LARP6: variants seen among roughly 807,000 people sequenced by gnomAD.
The protein encoded by LARP6 is La ribonucleoprotein 6, translational regulator, also known as la-related protein 6.
LARP6 carries 18 observed loss-of-function variants against 32.8 expected under a neutral mutation model. The observed-to-expected ratio is 0.55, with a 90% CI of 0.38 to 0.81. LARP6 has a LOEUF of 0.81. LARP6 is among the 40% of genes least tolerant of loss of function. The pLI, the probability that LARP6 is intolerant of heterozygous loss-of-function variation, is 0.00. For missense variants in LARP6, 598 were observed against 663.1 expected (o/e 0.90, Z 1.08); for synonymous variants, 289 against 267.2 (o/e 1.08, Z -0.80).
At chr15:70,846,624 AC>A in intron 1 of LARP6, among the ~76,000 whole-genome samples, 1 of 150,656 alleles carries the variant, frequency 6.6e-6, no homozygotes, top group Non-Finnish European at 1.5e-5. Flanking sequence ...ATAAATAAAT[AC>A]ATACATACAT....
intron 1 of LARP6, chr15:70,853,214 A>ACCCCCCCCCCCC (rs10709838): frequency 5.5e-4 from 55 of 100,834 alleles, no homozygotes; most frequent in Non-Finnish European, 6.2e-4. Context: ...ACCCAGGAAC[A>ACCCCCCCCCCCC]CCCCCCCCCC....
At chr15:70,838,740 C>T (rs2032194875) in intron 1 of LARP6, among the ~76,000 whole-genome samples, 2 of 151,784 alleles carry the variant, frequency 1.3e-5, no homozygotes, top group Admixed American at 1.3e-4. Context: ...ATAACGGATG[C>T]CATTATTAGA....
chr15:70,841,648 C>A (rs578138406), intron 1 of LARP6, among the ~76,000 whole-genome samples: 21 of 152,206 alleles, frequency 1.4e-4, no homozygotes, highest in Middle Eastern at 3.4e-3. Context: ...CTCATAAGAC[C>A]TGGTCATTTA....
chr15:70,835,453 T>C (rs1272287309), intron 2 of LARP6, among the ~76,000 whole-genome samples: 36 of 152,104 alleles, frequency 2.4e-4, no homozygotes, highest in Admixed American at 2.3e-3. Flanking sequence ...ATTTGATGAA[T>C]GAATAAAGGA....
chr15:70,853,918 C>T lies in LARP6; in HGVS notation c.171G>A (p.Ala57=). ...ARYLSPGWGS[A]SEEEPSRGHS... ...GCCCGCGGCTCGGCTCCTCCTCGCT[C>T]GCGCTGCCCCAGCCGGGGCTGAGGT... The change falls in exon 1 of 3, where the codon GCG becomes GCA. Residue 57 remains alanine, a synonymous_variant. Transcript: ENST00000299213. 1 of 1,385,618 alleles carries T rather than the reference C, an allele frequency of 7.2e-7. No individual in the cohort carries two copies. The highest frequency in any genetic ancestry group is 9.4e-7 in the Non-Finnish European group (1 of 1,063,838). 85.8% of individuals were successfully genotyped at this position (1,385,618 alleles called of 1,614,324 possible). A position where few individuals can be genotyped will look rare whatever the true frequency, so the allele number is the denominator to read the frequency against.
At position 70,842,065 on chromosome 15, in the gene LARP6, G is replaced by A. The variant is rs1595953355; in HGVS notation, c.201-5560C>T. 2.0e-5 allele frequency among the ~76,000 whole-genome samples: 3 copies of A among 151,644 alleles called. No homozygotes were observed. The East Asian group carries it at 5.8e-4, about 29-fold the overall frequency. ...CATTTCTTTTCTTTTCTCTTTTTGA[G>A]ACTGGATCTTGCTCTGTTGCCTCAA... is the stretch of plus-strand genomic sequence containing the variant. On this transcript the variant is annotated intron_variant, in intron 1 of 2. Transcript: ENST00000299213.
intron 1 of LARP6, among the ~76,000 whole-genome samples, chr15:70,840,651 A>C (rs1003991570): frequency 6.6e-6 from 1 of 152,224 alleles, no homozygotes; most frequent in African/African-American, 2.4e-5. Flanking sequence ...TCAGTAAATC[A>C]CAGGGGATGG....
At position 70,832,819 on chromosome 15, in the gene LARP6, T is replaced by C; in HGVS notation, c.709A>G (p.Arg237Gly). 6.2e-7 allele frequency: 1 copy of C among 1,613,018 alleles called. No homozygotes were observed. Among genetic ancestry groups the C allele is most frequent in the East Asian group, 2.2e-5 (1 of 44,878 alleles). Residue 237 changes from arginine to glycine, a missense_variant, in exon 3 of 3, where the codon AGA (arginine) becomes GGA (glycine). Physicochemically the swap from Arg to Gly is moderately radical, Grantham distance 125. Coordinates refer to ENST00000299213, the MANE Select transcript of LARP6 (RefSeq NM_018357.4). The part of the protein sequence containing the change: ...ISSVRILKPG[R>G]ELPPDIRRIS... ...CTCCGGATGTCAGGGGGCAGCTCTC[T>C]CCCAGGTTTGAGGATCCGCACTGAT...
rs759792824 is a variant in LARP6 at position 70,836,373 on chromosome 15, C to T, written c.333G>A (p.Lys111=). 6.2e-6 allele frequency: 10 copies of T among 1,614,122 alleles called. No homozygotes were observed. The highest frequency in any genetic ancestry group is 3.3e-4 in the Middle Eastern group (2 of 6,062). ...EFYFSDENLE[K]DAFLLKHVRR... is the part of the protein sequence containing the mutation. ...TCACGTGTTTTAGCAAAAAGGCGTC[C>T]TTCTCCAGGTTTTCATCAGAAAAGT... is the stretch of plus-strand genomic sequence containing the variant. Residue 111 remains lysine, a synonymous_variant, in exon 2 of 3, where the codon AAG becomes AAA. Transcript: ENST00000299213.
chr15:70,833,562 A>G (rs900331744), intron 2 of LARP6, among the ~76,000 whole-genome samples: 2 of 152,208 alleles, frequency 1.3e-5, no homozygotes, highest in Admixed American at 1.3e-4. Context: ...TGAGGATTAA[A>G]CGAATCAATA....
Position 70,832,199 on chromosome 15 carries a change from G to C in LARP6, c.1329C>G (p.Thr443=). 6.2e-7 allele frequency: 1 copy of C among 1,614,042 alleles called. No homozygotes were observed. The highest frequency in any genetic ancestry group is 8.5e-7 in the Non-Finnish European group (1 of 1,179,960). ...VRRRRQAEMG[T]QEKSPGTSPL... The stretch of plus-strand genomic sequence containing the variant: ...GACTCGTACCGGGGCTTTTCTCCTG[G>C]GTCCCCATCTCGGCTTGGCGACGCC... The change falls in exon 3 of 3, where the codon ACC becomes ACG. Residue 443 remains threonine, a synonymous_variant. Coordinates refer to ENST00000299213, the MANE Select transcript of LARP6 (RefSeq NM_018357.4).
intron 1 of LARP6, among the ~76,000 whole-genome samples, chr15:70,839,879 A>G (rs1401273467): frequency 1.3e-5 from 2 of 152,204 alleles, no homozygotes; most frequent in Non-Finnish European, 2.9e-5. Flanking sequence ...TTGAATCTGC[A>G]GCAGCCATTT....
At chr15:70,839,644 G>A (rs1057201682) in intron 1 of LARP6, among the ~76,000 whole-genome samples, 4 of 151,738 alleles carry the variant, frequency 2.6e-5, no homozygotes, top group Non-Finnish European at 4.4e-5. Context: ...GTGCAGTGGC[G>A]CAATCTCAGC....
intron 1 of LARP6, chr15:70,849,364 AAAACAAACAAAC>A (rs142198654): frequency 6.4e-6 from 1 of 155,636 alleles, no homozygotes; most frequent in Non-Finnish European, 1.4e-5. Context: ...TCTCAAAAAC[AAAACAAACAAAC>A]AAACAAACAA....
At chr15:70,852,480 C>T in intron 1 of LARP6, 1 of 264,490 alleles carries the variant, frequency 3.8e-6, no homozygotes, top group Non-Finnish European at 7.7e-6. Flanking sequence ...AAATTTAGCC[C>T]TCAGGATAGG....
chr15:70,839,733 C>A (rs2032217300), intron 1 of LARP6, among the ~76,000 whole-genome samples: 1 of 152,122 alleles, frequency 6.6e-6, no homozygotes, highest in Non-Finnish European at 1.5e-5. Flanking sequence ...CAGGCGCCCA[C>A]CACCACGCCC....
intron 2 of LARP6, among the ~76,000 whole-genome samples, chr15:70,835,781 C>T (rs1330284834): frequency 6.6e-6 from 1 of 152,182 alleles, no homozygotes; most frequent in African/African-American, 2.4e-5. Flanking sequence ...GCAATAATTA[C>T]AAATCTCATC....
chr15:70,840,092 C>T (rs2032224261), intron 1 of LARP6, among the ~76,000 whole-genome samples: 1 of 152,172 alleles, frequency 6.6e-6, no homozygotes, highest in African/African-American at 2.4e-5. Context: ...ACAATAGTAA[C>T]CGCAGCAACA....
At position 70,851,062 on chromosome 15, in the gene LARP6, A is replaced by G. The variant is rs971043346; in HGVS notation, c.200+2827T>C. On this transcript the variant is annotated intron_variant, in intron 1 of 2. Coordinates refer to ENST00000299213, the MANE Select transcript of LARP6 (RefSeq NM_018357.4). ...TTGTGGCACAATTTGGGGAATCTTG[A>G]ATGTGGAACTTGGCTATTAGCTTAT... Among the ~76,000 whole-genome samples the G allele has an allele frequency of 1.1e-4, 16 of 152,318 alleles. No homozygotes were observed. In the East Asian group the frequency reaches 2.5e-3, roughly 24 times the overall value.
Sources: allele counts gnomAD v4.1 joint callset (sites outside exome capture counted in the v4.1 genomes callset), GRCh38; gene constraint gnomAD v4.1.1; transcripts MANE v1.5; gene names NCBI Gene and HGNC (gene_info 2026-07-23, HGNC 2026-07-21).